ZFAND2A: variants seen among roughly 807,000 people sequenced by gnomAD.
ZFAND2A encodes the protein zinc finger AN1-type containing 2A.
Under a neutral mutation model 11.6 loss-of-function variants are expected in ZFAND2A, and 20 were observed. The observed-to-expected ratio is 1.72, with a 90% CI of 1.21 to 2.50. The LOEUF is 2.50. ZFAND2A is among the 30% of genes most tolerant of loss of function. The pLI is 0.00. For synonymous variants in ZFAND2A, 93 were observed against 60.6 expected (o/e 1.54, Z -2.48); for missense variants, 234 against 182.9 (o/e 1.28, Z -1.61).
At chr7:1,159,722 A>T (rs1480371805) in intron 1 of ZFAND2A, among the ~76,000 whole-genome samples, 1 of 68,064 alleles carries the variant, frequency 1.5e-5, no homozygotes, top group Non-Finnish European at 3.3e-5. Context: ...AGACAGCCGG[A>T]CCCCCAACAG....
At position 1,157,725 on chromosome 7, in the gene ZFAND2A, T is replaced by A. The variant is rs1224733533; in HGVS notation, c.81A>T (p.Ala27=). 6.4e-7 allele frequency: 1 copy of A among 1,559,124 alleles called. No individual in the cohort carries two copies. The highest frequency in any genetic ancestry group is 2.3e-5 in the East Asian group (1 of 43,442). ...QLDFLPVKCD[A]CKQDFCKDHF... ...GATCTTTACAGAAATCTTGTTTACATGCATCACATTTTACTGGAAGAAAAT... is the reference window on the plus strand; with the variant it reads ...GATCTTTACAGAAATCTTGTTTACAAGCATCACATTTTACTGGAAGAAAAT... The change falls in exon 3 of 5, where the codon GCA becomes GCT. Residue 27 remains alanine, a synonymous_variant. Coordinates refer to ENST00000316495, the MANE Select transcript of ZFAND2A (RefSeq NM_182491.4).
downstream of ZFAND2A, among the ~76,000 whole-genome samples, chr7:1,151,834 G>A (rs1412416143): frequency 6.6e-6 from 1 of 150,586 alleles, no homozygotes; most frequent in Non-Finnish European, 1.5e-5. Flanking sequence ...AGGTGCTGCT[G>A]GGCCATTAGA....
At chr7:1,159,566 AG>A (rs1244928941) in intron 1 of ZFAND2A, among the ~76,000 whole-genome samples, 25 of 78,000 alleles carry the variant, frequency 3.2e-4, no homozygotes, top group African/African-American at 1.2e-3. Flanking sequence ...CCCAGCAGAC[AG>A]GCCGGACCCC....
At chr7:1,150,365 A>G (rs1469918309), downstream of ZFAND2A, among the ~76,000 whole-genome samples, 1 of 151,640 alleles carries the variant, frequency 6.6e-6, no homozygotes, top group Non-Finnish European at 1.5e-5. Context: ...GAACTGTCTC[A>G]GCGGGACATC....
chr7:1,157,692 T>C lies in ZFAND2A; in HGVS notation c.114A>G (p.Pro38=), dbSNP rs1002227737. 1.9e-6 allele frequency: 3 copies of C among 1,568,266 alleles called. No individual in the cohort carries two copies. The highest frequency in any genetic ancestry group is 2.6e-6 in the Non-Finnish European group (3 of 1,162,714). ...CKQDFCKDHF[P]YAAHKCPFAF... is the part of the protein sequence containing the mutation. ...CAAACGGACACTTATGTGCAGCGTA[T>C]GGAAAATGATCTTTACAGAAATCTT... is the stretch of plus-strand genomic sequence containing the variant. The change falls in exon 3 of 5, where the codon CCA becomes CCG. Residue 38 remains proline, a synonymous_variant. Coordinates refer to ENST00000316495, the MANE Select transcript of ZFAND2A (RefSeq NM_182491.4).
At chr7:1,152,188 G>A (rs1172587231), downstream of ZFAND2A, 19 of 1,510,426 alleles carry the variant, frequency 1.3e-5, no homozygotes, top group East Asian at 1.7e-4. Context: ...CAACCTTTCC[G>A]TGTTCACCAA....
rs1205251131 is a variant in ZFAND2A at position 1,152,932 on chromosome 7, T to C, written c.*137A>G. On this transcript the variant is annotated 3_prime_UTR_variant, in exon 5 of 5. Coordinates refer to ENST00000316495, the MANE Select transcript of ZFAND2A (RefSeq NM_182491.4). ...TCAACTTCAGCATTCAATTTTATTATAGTCCCATCTCCCTCAACAAACAAG... is the reference window on the plus strand; with the variant it reads ...TCAACTTCAGCATTCAATTTTATTACAGTCCCATCTCCCTCAACAAACAAG... 2 of 1,209,934 alleles carry C rather than the reference T, an allele frequency of 1.7e-6. No homozygotes were observed. Among genetic ancestry groups the C allele is most frequent in the Non-Finnish European group, 1.2e-6 (1 of 836,090 alleles). 74.9% of individuals were successfully genotyped at this position (1,209,934 alleles called of 1,614,324 possible). A position where few individuals can be genotyped will look rare whatever the true frequency, so the allele number is the denominator to read the frequency against.
chr7:1,151,489 C>T (rs977538919), downstream of ZFAND2A, among the ~76,000 whole-genome samples: 1 of 152,022 alleles, frequency 6.6e-6, no homozygotes, highest in African/African-American at 2.4e-5. Flanking sequence ...GATCCACCCA[C>T]CTTGCCCTCC....
downstream of ZFAND2A, among the ~76,000 whole-genome samples, chr7:1,151,762 T>TAAAAAAA (rs530920394): frequency 2.1e-4 from 18 of 87,158 alleles, 1 homozygote; most frequent in African/African-American, 5.6e-4. Flanking sequence ...TCATCCCTTT[T>TAAAAAAA]AAAAAAAAAA....
At chr7:1,154,312 C>G (rs79891205) in intron 4 of ZFAND2A, among the ~76,000 whole-genome samples, 2,858 of 152,006 alleles carry the variant, frequency 0.019, 97 homozygotes, top group East Asian at 0.17. Flanking sequence ...GGCCCTCCGG[C>G]CAAGGCAGGC....
intron 4 of ZFAND2A, among the ~76,000 whole-genome samples, chr7:1,154,492 G>C (rs1793476109): frequency 6.6e-6 from 1 of 152,208 alleles, no homozygotes; most frequent in South Asian, 2.1e-4. Flanking sequence ...AGCAAGGGAA[G>C]CTGTGTCATG....
chr7:1,153,096 C>G lies in ZFAND2A; in HGVS notation c.411G>C (p.Gly137=), dbSNP rs1013883925. 1.9e-6 allele frequency: 3 copies of G among 1,614,062 alleles called. No homozygotes were observed. The highest frequency in any genetic ancestry group is 2.5e-6 in the Non-Finnish European group (3 of 1,180,046). Residue 137 remains glycine, a synonymous_variant, in exon 5 of 5, where the codon GGG becomes GGC. Coordinates refer to ENST00000316495, the MANE Select transcript of ZFAND2A (RefSeq NM_182491.4). Reference sequence around the variant, plus strand: ...ACCCAGCTTTGATGGTGGGGCGACTCCCGTGTCTGCAGCTGTGGTCCAAAG... The same window carrying G: ...ACCCAGCTTTGATGGTGGGGCGACTGCCGTGTCTGCAGCTGTGGTCCAAAG... ...RHPLDHSCRH[G]SRPTIKAG
chr7:1,155,734 G>C, intron 3 of ZFAND2A, 150 bp from the exon 4 acceptor site: 1 of 965,528 alleles, frequency 1.0e-6, no homozygotes, highest in Non-Finnish European at 1.5e-6. Flanking sequence ...GCATCACTGG[G>C]TCATGGATTA....
At chr7:1,153,942 T>G (rs961428372) in intron 4 of ZFAND2A, among the ~76,000 whole-genome samples, 10 of 151,370 alleles carry the variant, frequency 6.6e-5, no homozygotes, top group Non-Finnish European at 1.2e-4. Context: ...GTTCGTCCCT[T>G]TAAAAAGAAA....
rs566038679 is a variant in ZFAND2A, at chr7:1,159,199, G to A, written c.-46+765C>T. 1.7e-4 allele frequency among the ~76,000 whole-genome samples: 26 copies of A among 152,260 alleles called. No homozygotes were observed. In the East Asian group the frequency reaches 4.6e-3, roughly 27 times the overall value. ...ATCCGCTGCTTTACTATTAGCTCCC[G>A]GTGCCCGACACACAGCAGGCGTTCC... On this transcript the variant is annotated intron_variant, in intron 1 of 4. Coordinates refer to ENST00000316495, the MANE Select transcript of ZFAND2A (RefSeq NM_182491.4).
chr7:1,160,193 C>A lies in ZFAND2A; in HGVS notation c.-275G>T, dbSNP rs1183151818. 1.3e-5 allele frequency: 2 copies of A among 152,292 alleles called. No individual in the cohort carries two copies. Among genetic ancestry groups the A allele is most frequent in the Non-Finnish European group, 2.9e-5 (2 of 68,074 alleles). 9.4% of individuals were successfully genotyped at this position (152,292 alleles called of 1,614,324 possible). On this transcript the variant is annotated 5_prime_UTR_variant, in exon 1 of 5. Coordinates refer to ENST00000316495, the MANE Select transcript of ZFAND2A (RefSeq NM_182491.4). ...CCCCCGGATCTGAGAGCCGTCTGGG[C>A]CTTGGGGTTTCCGGGCGCGCCCCGA...
intron 3 of ZFAND2A, chr7:1,155,792 A>T: frequency 2.0e-6 from 1 of 498,298 alleles, no homozygotes; most frequent in Non-Finnish European, 3.3e-6. Context: ...TGAGGAGTCT[A>T]GTGAAGTTTC....
chr7:1,159,160 G>A (rs1793611213), intron 1 of ZFAND2A, among the ~76,000 whole-genome samples: 1 of 152,118 alleles, frequency 6.6e-6, no homozygotes, highest in Non-Finnish European at 1.5e-5. Context: ...TTCGCCCACA[G>A]CTTCCAACTA....
At position 1,155,592 on chromosome 7, in the gene ZFAND2A, TAAC is replaced by T. The variant is rs762904217; in HGVS notation, c.151-11_151-9del. On this transcript the variant is annotated splice_polypyrimidine_tract_variant and intron_variant, in intron 3 of 4. Coordinates refer to ENST00000316495, the MANE Select transcript of ZFAND2A (RefSeq NM_182491.4). ...TACTGGGACGTGAACATCCTAAAAATAACAAAGGTAAGATGGCATCTGAGACTC... is the reference window on the plus strand; with the variant it reads ...TACTGGGACGTGAACATCCTAAAAATAAAGGTAAGATGGCATCTGAGACTC... The T allele has an allele frequency of 2.5e-6, 4 of 1,610,878 alleles. No homozygotes were observed. In the Admixed American group the frequency reaches 6.7e-5, roughly 27 times the overall value.
Sources: allele counts gnomAD v4.1 joint callset (sites outside exome capture counted in the v4.1 genomes callset), GRCh38; gene constraint gnomAD v4.1.1; transcripts MANE v1.5; gene names NCBI Gene and HGNC (gene_info 2026-07-23, HGNC 2026-07-21).